Variants in RIOK2 observed in about 807,000 individuals in gnomAD.
The protein encoded by RIOK2 is RIO kinase 2, also known as serine/threonine-protein kinase RIO2.
In RIOK2, 46 loss-of-function variants were observed where a neutral mutation model predicts 62.4. The ratio of observed to expected loss-of-function variants is 0.74; its 90% CI spans 0.58 to 0.94. The LOEUF is 0.94. Ranked by LOEUF, RIOK2 falls within the 40% of genes least tolerant of loss-of-function variation. The pLI is 0.00. For synonymous variants in RIOK2, 197 were observed against 216.0 expected, an observed-to-expected ratio of 0.91 and a Z score of 0.77; for missense variants, 574 against 658.0, an observed-to-expected ratio of 0.87 and a Z score of 1.40.
intron 7 of RIOK2, 65 bp from the exon 8 acceptor site, chr5:97,168,056 C>T (rs1748897044): frequency 7.0e-7 from 1 of 1,426,858 alleles, no homozygotes; most frequent in East Asian, 2.3e-5. Context: ...GAGCAAATAT[C>T]TACTACTCTG....
chr5:97,177,609 C>T, intron 3 of RIOK2, 123 bp downstream of exon 3: 1 of 665,574 alleles, frequency 1.5e-6, no homozygotes, highest in Non-Finnish European at 2.6e-6. Context: ...GTACTGCTTC[C>T]AATCAACTTT....
chr5:97,183,167 A>C lies in RIOK2; in HGVS notation c.25T>G (p.Leu9Val). MGKVNVAK[L>V]RYMSRDDFRV... is the part of the protein sequence containing the mutation. Reference sequence around the variant, plus strand: ...AAGTCATCTCGGCTCATGTAACGCAACTTGGCCACATTCACTTTCCCCATG... The same window carrying C: ...AAGTCATCTCGGCTCATGTAACGCACCTTGGCCACATTCACTTTCCCCATG... The change falls in exon 1 of 10, where the codon TTG (leucine) becomes GTG (valine). Residue 9 changes from leucine to valine, a missense_variant. Physicochemically the swap from Leu to Val is conservative, Grantham distance 32. Transcript: ENST00000283109. 1 of 1,614,156 alleles carries C rather than the reference A, an allele frequency of 6.2e-7. No individual in the cohort carries two copies. The highest frequency in any genetic ancestry group is 1.1e-5 in the South Asian group (1 of 91,082).
Position 97,162,104 on chromosome 5 carries a change from A to T in RIOK2, c.*957T>A, listed in dbSNP as rs1385930452. On this transcript the variant is annotated 3_prime_UTR_variant, in exon 10 of 10. Transcript: ENST00000283109. ...TCCCTCTGGTAGAACATAATTAGGG[A>T]TGCAAGTAATCCTGTTTGGTGACTA... 6.6e-6 allele frequency: 1 copy of T among 152,170 alleles called. No individual in the cohort carries two copies. Among genetic ancestry groups the T allele is most frequent in the African/African-American group, 2.4e-5 (1 of 41,440 alleles). 9.4% of individuals were successfully genotyped at this position (152,170 alleles called of 1,614,324 possible).
At position 97,167,549 on chromosome 5, in the gene RIOK2, G is replaced by C. The variant is rs1179157914; in HGVS notation, c.1315C>G (p.Pro439Ala). Residue 439 changes from proline (P) to alanine (A), a missense_variant, in exon 8 of 10, where the codon CCT becomes GCT. Coordinates refer to ENST00000283109, the MANE Select transcript of RIOK2 (RefSeq NM_018343.3). The stretch of plus-strand genomic sequence containing the variant: ...TCTTCATACTCGTCAGAGCCAGCAG[G>C]GACTCCTCCTTGAACTCTCTGACCA... ...QDGQRVQGGV[P>A]AGSDEYEDEC... The C allele has an allele frequency of 6.2e-6, 10 of 1,614,126 alleles. No homozygotes were observed. Among genetic ancestry groups the C allele is most frequent in the Non-Finnish European group, 8.5e-6 (10 of 1,180,000 alleles).
At chr5:97,163,650 C>G (rs1708662311) in intron 9 of RIOK2, among the ~76,000 whole-genome samples, 1 of 152,076 alleles carries the variant, frequency 6.6e-6, no homozygotes, top group Admixed American at 6.5e-5. Flanking sequence ...TAGCAATCAC[C>G]CATGGAAAAG....
chr5:97,177,046 G>A (rs1749185780), intron 4 of RIOK2, 70 bp downstream of exon 4: 1 of 1,292,678 alleles, frequency 7.7e-7, no homozygotes, highest in East Asian at 2.3e-5. Flanking sequence ...AATCACACTT[G>A]TCATTAAGGC....
intron 8 of RIOK2, among the ~76,000 whole-genome samples, chr5:97,165,452 C>G (rs577645290): frequency 2.0e-5 from 3 of 152,132 alleles, no homozygotes; most frequent in Non-Finnish European, 4.4e-5. Flanking sequence ...ATCCTCTCCT[C>G]TTCTTTCACT....
intron 3 of RIOK2, 41 bp downstream of exon 3, chr5:97,177,691 A>G (rs1580276684): frequency 1.6e-6 from 2 of 1,222,900 alleles, no homozygotes; most frequent in Non-Finnish European, 2.3e-6. Context: ...AACATAAACT[A>G]AAGCAAAGAA....
chr5:97,182,598 T>C (rs991596817), intron 1 of RIOK2, among the ~76,000 whole-genome samples: 2 of 152,192 alleles, frequency 1.3e-5, no homozygotes, highest in Non-Finnish European at 2.9e-5. Flanking sequence ...ATAGCATTTA[T>C]CCATTATCCT....
At position 97,177,189 on chromosome 5, in the gene RIOK2, T is replaced by G; in HGVS notation, c.425A>C (p.His142Pro). Residue 142 changes from histidine to proline, a missense_variant, in exon 4 of 10, where the codon CAT becomes CCT. By Grantham distance (77) the His-to-Pro change is moderately conservative. Coordinates refer to ENST00000283109, the MANE Select transcript of RIOK2 (RefSeq NM_018343.3). The stretch of plus-strand genomic sequence containing the variant: ...CCATGACACATTGTGCCTATGTTTA[T>G]GATAATCGCGTTTGTTTTTCAAATT... ...FRNLKNKRDY[H>P]KHRHNVSWLY... 1 of 1,613,552 alleles carries G rather than the reference T, an allele frequency of 6.2e-7. No homozygotes were observed. The highest frequency in any genetic ancestry group is 2.2e-5 in the East Asian group (1 of 44,800).
At chr5:97,167,002 T>G (rs1356443624) in intron 8 of RIOK2, 1 of 542,106 alleles carries the variant, frequency 1.8e-6, no homozygotes, top group African/African-American at 2.1e-5. Flanking sequence ...CTGCAACCTC[T>G]GCCTCCCAGG....
chr5:97,170,448 A>G (rs529558304), intron 6 of RIOK2, among the ~76,000 whole-genome samples: 2 of 152,196 alleles, frequency 1.3e-5, no homozygotes, highest in Non-Finnish European at 2.9e-5. Context: ...CAAAACCACA[A>G]CTTTTATTCA....
At chr5:97,180,003 A>ATTT (rs1561522088) in intron 1 of RIOK2, among the ~76,000 whole-genome samples, 1 of 56,178 alleles carries the variant, frequency 1.8e-5, no homozygotes, top group African/African-American at 6.6e-5. Context: ...ATATATATAT[A>ATTT]TTATATATAT....
intron 1 of RIOK2, 88 bp downstream of exon 1, chr5:97,183,038 C>T: frequency 7.2e-7 from 1 of 1,385,474 alleles, no homozygotes; most frequent in Non-Finnish European, 1.0e-6. Flanking sequence ...CCAGAGTGTG[C>T]CTGCTCAGAT....
chr5:97,179,562 T>C (rs1461461076), intron 1 of RIOK2, among the ~76,000 whole-genome samples: 2 of 151,928 alleles, frequency 1.3e-5, no homozygotes, highest in Non-Finnish European at 2.9e-5. Flanking sequence ...AGAGGATATA[T>C]ATATATATAT....
At chr5:97,166,199 A>T (rs1174933861) in intron 8 of RIOK2, 1 of 408,776 alleles carries the variant, frequency 2.4e-6, no homozygotes, top group Non-Finnish European at 4.9e-6. Flanking sequence ...CCCATGGGCT[A>T]ATTCCTTAAA....
intron 1 of RIOK2, among the ~76,000 whole-genome samples, chr5:97,182,182 A>G (rs1395032502): frequency 6.6e-6 from 1 of 152,232 alleles, no homozygotes; most frequent in Non-Finnish European, 1.5e-5. Flanking sequence ...CTGAGGCCAT[A>G]AAATCAGATT....
In RIOK2 at chr5:97,177,818, C is replaced by T. The variant is rs368641567; in HGVS notation, c.236G>A (p.Gly79Glu). The T allele has an allele frequency of 6.2e-7, 1 of 1,613,390 alleles. No homozygotes were observed. Among genetic ancestry groups the T allele is most frequent in the Admixed American group, 1.7e-5 (1 of 59,952 alleles). The change falls in exon 3 of 10, where the codon GGA becomes GAA. Residue 79 changes from glycine to glutamate, a missense_variant. By Grantham distance (98) the Gly-to-Glu change is moderately conservative (BLOSUM62 -2). Transcript: ENST00000283109. ...TVQGYRLTNAGYDYLALKTLS... is the reference protein window; with the variant it reads ...TVQGYRLTNAEYDYLALKTLS... ...TGTTTTCAAAGCTAGGTAATCATAT[C>T]CTGCATTTGTCAACCGATAGCCCTG...
chr5:97,178,887 G>C, intron 2 of RIOK2, 168 bp downstream of exon 2: 1 of 735,064 alleles, frequency 1.4e-6, no homozygotes, highest in Non-Finnish European at 2.3e-6. Context: ...TGATCTGGGT[G>C]TGCCCTGTGA....
Sources: gnomAD v4.1 joint callset for allele counts (sites outside exome capture counted in the v4.1 genomes callset) on GRCh38, gnomAD v4.1.1 for gene constraint, MANE v1.5 for transcripts, NCBI Gene and HGNC (gene_info 2026-07-23, HGNC 2026-07-21) for gene names.